The following ANKRD26 variants were observed in gnomAD, a reference collection of about 807,000 sequenced individuals.
ANKRD26 encodes the protein ankyrin repeat domain-containing protein 26.
A neutral mutation model predicts 208.7 loss-of-function variants in ANKRD26; 141 were observed. The observed-to-expected ratio is 0.68, with a 90% confidence interval of 0.59 to 0.78. The LOEUF (loss-of-function observed/expected upper bound fraction) is 0.78, where lower values mean the gene tolerates loss of function less well. Ranked by LOEUF, ANKRD26 falls within the 30% of genes least tolerant of loss-of-function variation. The pLI, the probability that ANKRD26 is intolerant of heterozygous loss-of-function variation, is 0.00. For missense variants in ANKRD26, 1,889 were observed against 1,938.7 expected (o/e 0.97, Z 0.48); for synonymous variants, 636 against 660.4 (o/e 0.96, Z 0.57).
chr10:27,067,072 G>T, intron 10 of ANKRD26, 85 bp downstream of exon 10: 2 of 1,489,736 alleles, frequency 1.3e-6, no homozygotes. Flanking sequence ...CTCCCAAAGT[G>T]CTGGGATCAC....
At chr10:26,962,011 T>C in the ANKRD26 span, among the ~76,000 whole-genome samples, 8 of 152,274 alleles carry the variant, frequency 5.3e-5, no homozygotes, top group South Asian at 2.1e-4. Flanking sequence ...AAGGGCTTCA[T>C]TGAAGAGTTT....
intron 20 of ANKRD26, among the ~76,000 whole-genome samples, chr10:27,042,567 C>A (rs1267028654): frequency 6.6e-6 from 1 of 152,118 alleles, no homozygotes; most frequent in African/African-American, 2.4e-5. Flanking sequence ...TCCTGGCTAA[C>A]ACGGTGAAAC....
intron 20 of ANKRD26, among the ~76,000 whole-genome samples, chr10:27,041,295 A>G (rs1370638274): frequency 6.6e-6 from 1 of 152,160 alleles, no homozygotes. Context: ...GGTATTGAGC[A>G]AAGTAATAAA....
intron 29 of ANKRD26, among the ~76,000 whole-genome samples, 188 bp from the exon 30 acceptor site, chr10:27,017,980 G>A (rs550879753): frequency 1.3e-5 from 2 of 152,142 alleles, no homozygotes; most frequent in East Asian, 1.9e-4. Flanking sequence ...GCCACCAGGA[G>A]TCACAAAAAT....
At chr10:26,984,369 G>A (rs1181154335) in intron 3 of ANKRD26, among the ~76,000 whole-genome samples, 1 of 152,174 alleles carries the variant, frequency 6.6e-6, no homozygotes, top group Non-Finnish European at 1.5e-5. Context: ...AAGATCCTTG[G>A]CTGGAATCAC....
intron 5 of ANKRD26, 72 bp from the exon 6 acceptor site, chr10:27,082,905 T>C: frequency 6.6e-7 from 1 of 1,514,516 alleles, no homozygotes; most frequent in Non-Finnish European, 8.9e-7. Context: ...AGCATAAGAC[T>C]GATAGTTTGT....
At chr10:27,051,617 A>G in intron 16 of ANKRD26, 1 of 985,234 alleles carries the variant, frequency 1.0e-6, no homozygotes, top group Non-Finnish European at 1.2e-6. Context: ...ATTTATTTTC[A>G]TTTAAATAAG....
intron 10 of ANKRD26, among the ~76,000 whole-genome samples, chr10:27,066,812 T>A (rs1417363715): frequency 8.7e-4 from 130 of 149,602 alleles, no homozygotes; most frequent in Middle Eastern, 6.8e-3. Flanking sequence ...TAGAATAGAT[T>A]TTTTTTTTTT....
intron 3 of ANKRD26, among the ~76,000 whole-genome samples, chr10:26,985,235 T>C (rs1303885307): frequency 6.6e-6 from 1 of 152,140 alleles, no homozygotes; most frequent in Non-Finnish European, 1.5e-5. Flanking sequence ...CTGGGTTATC[T>C]TTGGGAGAGA....
At chr10:27,051,287 C>A in intron 16 of ANKRD26, 1 of 1,288,646 alleles carries the variant, frequency 7.8e-7, no homozygotes, top group Non-Finnish European at 1.0e-6. Flanking sequence ...GGAACAAGTT[C>A]TGTATTGGTT....
chr10:27,050,326 A>G (rs1188068684), intron 16 of ANKRD26, among the ~76,000 whole-genome samples: 1 of 151,548 alleles, frequency 6.6e-6, no homozygotes, highest in East Asian at 1.9e-4. Flanking sequence ...TCAGCTTTCT[A>G]CTTTGGAGTT....
chr10:27,005,349 T>G lies in ANKRD26; in HGVS notation c.*241A>C, dbSNP rs1237162246. 8.4e-7 allele frequency: 1 copy of G among 1,194,708 alleles called. No homozygotes were observed. The highest frequency in any genetic ancestry group is 1.6e-5 in the African/African-American group (1 of 63,324). 74.0% of individuals were successfully genotyped at this position (1,194,708 alleles called of 1,614,324 possible). A position where few individuals can be genotyped will look rare whatever the true frequency, so the allele number is the denominator to read the frequency against. On this transcript the variant is annotated 3_prime_UTR_variant, in exon 34 of 34. Coordinates refer to ENST00000376087, the MANE Select transcript of ANKRD26 (RefSeq NM_014915.3). ...ATTAATGACAACTTAGTGGTTTGGCTGTTTAAACAGCTCACATTTGGGCAG... is the reference window on the plus strand; with the variant it reads ...ATTAATGACAACTTAGTGGTTTGGCGGTTTAAACAGCTCACATTTGGGCAG...
intron 9 of ANKRD26, among the ~76,000 whole-genome samples, chr10:27,075,644 A>G (rs922993048): frequency 6.6e-6 from 1 of 152,222 alleles, no homozygotes; most frequent in Non-Finnish European, 1.5e-5. Flanking sequence ...TAGCCACACA[A>G]TAATAGTACA....
chr10:27,051,029 A>C (rs1290469045), intron 16 of ANKRD26: 1 of 1,198,340 alleles, frequency 8.3e-7, no homozygotes, highest in East Asian at 5.7e-5. Flanking sequence ...TAGAGAAAAA[A>C]ACAAAGAGTA....
chr10:26,989,747 T>C (rs988841241), downstream of ANKRD26, among the ~76,000 whole-genome samples: 1 of 151,940 alleles, frequency 6.6e-6, no homozygotes, highest in Non-Finnish European at 1.5e-5. Context: ...CATCAGGAGG[T>C]AGGGTCTTGG....
In ANKRD26 at chr10:27,004,868, T is replaced by C; in HGVS notation, c.*722A>G. The C allele has an allele frequency of 5.2e-6, 1 of 192,162 alleles. No homozygotes were observed. The highest frequency in any genetic ancestry group is 9.6e-6 in the Non-Finnish European group (1 of 104,696). 11.9% of individuals were successfully genotyped at this position (192,162 alleles called of 1,614,324 possible). A position where few individuals can be genotyped will look rare whatever the true frequency, so the allele number is the denominator to read the frequency against. ...TACAGAGAAGTAACAAACTAGAATGTATTAATGTTGACTTTCTGATTGCAA... is the reference window on the plus strand; with the variant it reads ...TACAGAGAAGTAACAAACTAGAATGCATTAATGTTGACTTTCTGATTGCAA... On this transcript the variant is annotated 3_prime_UTR_variant, in exon 34 of 34. Coordinates refer to ENST00000376087, the MANE Select transcript of ANKRD26 (RefSeq NM_014915.3).
intron 29 of ANKRD26, among the ~76,000 whole-genome samples, chr10:27,020,684 G>C (rs1015439128): frequency 2.6e-5 from 4 of 152,062 alleles, no homozygotes; most frequent in Non-Finnish European, 5.9e-5. Flanking sequence ...TTGAGACAGA[G>C]TTTCACTCTT....
At chr10:27,062,227 A>G (rs774726489) in intron 12 of ANKRD26, 595 of 976,378 alleles carry the variant, frequency 6.1e-4, no homozygotes, top group Admixed American at 1.1e-3. Flanking sequence ...TCTTATATCT[A>G]CAATTTCTAT....
chr10:26,964,302 A>G, the ANKRD26 span, among the ~76,000 whole-genome samples: 1 of 152,132 alleles, frequency 6.6e-6, no homozygotes, highest in Non-Finnish European at 1.5e-5. Context: ...AGCTGATCAG[A>G]GAACCACTCC....
Sources: allele counts gnomAD v4.1 joint callset (sites outside exome capture counted in the v4.1 genomes callset), GRCh38; gene constraint gnomAD v4.1.1; transcripts MANE v1.5; gene names NCBI Gene and HGNC (gene_info 2026-07-23, HGNC 2026-07-21).